SYPL1: variants seen among roughly 807,000 people sequenced by gnomAD.
SYPL1 encodes the protein synaptophysin like 1, also known as synaptophysin-like protein 1.
SYPL1 carries 6 observed loss-of-function variants against 23.7 expected under a neutral mutation model. The ratio of observed to expected loss-of-function variants is 0.25; its 90% CI spans 0.14 to 0.50. The LOEUF is 0.50. Among genes scored for constraint, SYPL1 ranks in the 20% least tolerant of loss-of-function variants. SYPL1 has a pLI of 0.98. For synonymous variants in SYPL1, 102 were observed against 104.5 expected (o/e 0.98, Z 0.15); for missense variants, 253 against 288.9 (o/e 0.88, Z 0.90).
Position 106,097,955 on chromosome 7 carries a change from G to A in SYPL1, c.195-58C>T. ...TCCCAACAGAGACAGAAACATTTAA[G>A]CAAAACAATGAGTGACACTTCAAAA... On this transcript the variant is annotated intron_variant, in intron 2 of 4. Coordinates refer to ENST00000455385, the MANE Select transcript of SYPL1 (RefSeq NM_182715.4). The surrounding 1 kb of genome is among the most constrained non-coding windows in gnomAD (Gnocchi z 4.6). The A allele has an allele frequency of 2.1e-6, 3 of 1,412,552 alleles. No individual in the cohort carries two copies. Among genetic ancestry groups the A allele is most frequent in the Non-Finnish European group, 2.9e-6 (3 of 1,023,780 alleles). 87.5% of individuals were successfully genotyped at this position (1,412,552 alleles called of 1,614,324 possible).
At chr7:106,103,098 T>G (rs1024852129) in intron 1 of SYPL1, among the ~76,000 whole-genome samples, 3 of 152,120 alleles carry the variant, frequency 2.0e-5, no homozygotes, top group African/African-American at 7.2e-5. Flanking sequence ...GAGAAACCCT[T>G]GCTCACACGT....
Position 106,109,228 on chromosome 7 carries a change from G to A in SYPL1, c.69+2912C>T, listed in dbSNP as rs1233782682. On this transcript the variant is annotated intron_variant, in intron 1 of 4. Transcript: ENST00000455385. This position sits in a 1 kb window ranked among gnomAD's most constrained non-coding sequence, Gnocchi z 4.3. The stretch of plus-strand genomic sequence containing the variant: ...GAGAATGCATTTAAGCAACTGAGTT[G>A]TAAGCTGAACTAGTGGCTTTTTTTT... Among the ~76,000 whole-genome samples, 1 of 152,196 alleles carries A rather than the reference G, an allele frequency of 6.6e-6. No individual in the cohort carries two copies. The highest frequency in any genetic ancestry group is 1.9e-4 in the East Asian group (1 of 5,198).
At chr7:106,099,621 T>G (rs1374893895) in intron 1 of SYPL1, among the ~76,000 whole-genome samples, 3 of 152,140 alleles carry the variant, frequency 2.0e-5, no homozygotes, top group African/African-American at 7.2e-5. Context: ...CTTGAACTCC[T>G]GAACTCAAGC....
At chr7:106,107,803 A>G (rs1225609449) in intron 1 of SYPL1, among the ~76,000 whole-genome samples, 4 of 152,190 alleles carry the variant, frequency 2.6e-5, no homozygotes, top group Non-Finnish European at 4.4e-5. Flanking sequence ...CTACTGAAAT[A>G]AACAGCTAGA....
chr7:106,092,726 TGAAA>T, intron 4 of SYPL1: 1 of 597,406 alleles, frequency 1.7e-6, no homozygotes, highest in Non-Finnish European at 3.0e-6. Flanking sequence ...TCTGACTAGA[TGAAA>T]GAAAGTCTCA....
In SYPL1 at chr7:106,090,622, T is replaced by TAAAC. The variant is rs1479007510; in HGVS notation, c.*1179_*1182dup. ...GCAACAGCAAGATGTGCTTCACATA[T>TAAAC]AAACAATCATGTTGTAAGAATAAGA... On this transcript the variant is annotated 3_prime_UTR_variant, in exon 5 of 5. Coordinates refer to ENST00000455385, the MANE Select transcript of SYPL1 (RefSeq NM_182715.4). The TAAAC allele has an allele frequency of 6.6e-6, 1 of 152,606 alleles. No homozygotes were observed. Among genetic ancestry groups the TAAAC allele is most frequent in the Non-Finnish European group, 1.5e-5 (1 of 68,008 alleles). 9.5% of individuals were successfully genotyped at this position (152,606 alleles called of 1,614,324 possible). A position where few individuals can be genotyped will look rare whatever the true frequency, so the allele number is the denominator to read the frequency against.
rs191752516 is a variant in SYPL1, at chr7:106,109,007, C to T, written c.69+3133G>A. On this transcript the variant is annotated intron_variant, in intron 1 of 4. Transcript: ENST00000455385. The surrounding 1 kb of genome is among the most constrained non-coding windows in gnomAD (Gnocchi z 4.3). ...AAGAATACCAAACTCTATTTCACTG[C>T]CACATACTTGCAGTTAAAAACAAAA... Among the ~76,000 whole-genome samples the T allele has an allele frequency of 2.6e-4, 40 of 152,298 alleles. No homozygotes were observed. The East Asian group carries it at 7.5e-3, about 29-fold the overall frequency.
chr7:106,111,147 G>A (rs1298510831), intron 1 of SYPL1, among the ~76,000 whole-genome samples: 1 of 152,168 alleles, frequency 6.6e-6, no homozygotes, highest in Non-Finnish European at 1.5e-5. Context: ...ATCACATTAG[G>A]TACCCATCAG....
intron 2 of SYPL1, 50 bp downstream of exon 2, chr7:106,099,108 A>C (rs778808357): frequency 6.4e-7 from 1 of 1,572,814 alleles, no homozygotes; most frequent in Admixed American, 2.0e-5. Flanking sequence ...TTAATGACTC[A>C]CTGTGAAAGT....
At chr7:106,099,506 C>T (rs1840203725) in intron 1 of SYPL1, among the ~76,000 whole-genome samples, 1 of 152,082 alleles carries the variant, frequency 6.6e-6, no homozygotes, top group South Asian at 2.1e-4. Context: ...ATCCTCCCAC[C>T]TCAGTCCCCC....
chr7:106,106,461 A>C (rs1004419390), intron 1 of SYPL1, among the ~76,000 whole-genome samples: 3 of 151,852 alleles, frequency 2.0e-5, no homozygotes, highest in African/African-American at 4.8e-5. Flanking sequence ...CTGAGGCAGG[A>C]GAATTGCTTG....
intron 1 of SYPL1, among the ~76,000 whole-genome samples, chr7:106,101,775 A>T (rs1234869010): frequency 3.4e-5 from 4 of 116,872 alleles, no homozygotes; most frequent in Non-Finnish European, 5.4e-5. Flanking sequence ...CCACGTTTAA[A>T]TTAAAAAAAA....
At chr7:106,110,108 T>C (rs896477229) in intron 1 of SYPL1, among the ~76,000 whole-genome samples, 18 of 152,168 alleles carry the variant, frequency 1.2e-4, no homozygotes, top group East Asian at 1.9e-4. Flanking sequence ...CCTGCACATA[T>C]GCATTTTCCT....
rs903564580 is a variant in SYPL1 at position 106,095,381 on chromosome 7, G to C, written c.403-2244C>G. On this transcript the variant is annotated intron_variant, in intron 3 of 4. Coordinates refer to ENST00000455385, the MANE Select transcript of SYPL1 (RefSeq NM_182715.4). This position sits in a 1 kb window ranked among gnomAD's most constrained non-coding sequence, Gnocchi z 4.3. ...TTTTTTTCCCCTGAGATGGAGTCTTGCTCTGTCACCTAGGCTGGAATACAG... is the reference window on the plus strand; with the variant it reads ...TTTTTTTCCCCTGAGATGGAGTCTTCCTCTGTCACCTAGGCTGGAATACAG... 1.3e-5 allele frequency among the ~76,000 whole-genome samples: 2 copies of C among 149,150 alleles called. No homozygotes were observed. Among genetic ancestry groups the C allele is most frequent in the Non-Finnish European group, 3.0e-5 (2 of 67,614 alleles).
rs1350906594 is a variant in SYPL1, at chr7:106,092,710, TATA to T, written c.591+236_591+238del. ...AAAAAAAGAAATTAATCTTCCCAGA[TATA>T]AATCTGACTAGATGAAAGAAAGTCT... On this transcript the variant is annotated intron_variant, in intron 4 of 4. Transcript: ENST00000455385. 7.1e-6 allele frequency: 4 copies of T among 561,032 alleles called. No individual in the cohort carries two copies. In the African/African-American group the frequency reaches 8.0e-5, roughly 11 times the overall value. 34.8% of individuals were successfully genotyped at this position (561,032 alleles called of 1,614,324 possible).
At chr7:106,099,736 T>C (rs900037026) in intron 1 of SYPL1, among the ~76,000 whole-genome samples, 2 of 152,156 alleles carry the variant, frequency 1.3e-5, no homozygotes, top group African/African-American at 2.4e-5. Flanking sequence ...CTCTGTTGTA[T>C]AGACTCAAGT....
At chr7:106,103,050 CATA>C (rs1840409630) in intron 1 of SYPL1, among the ~76,000 whole-genome samples, 1 of 152,012 alleles carries the variant, frequency 6.6e-6, no homozygotes, top group Admixed American at 6.5e-5. Context: ...TTATAATAAA[CATA>C]ATGTCACAAA....
upstream of SYPL1, chr7:106,112,390 G>C (rs1790217691): frequency 7.5e-7 from 1 of 1,337,138 alleles, no homozygotes; most frequent in African/African-American, 1.6e-5. Context: ...GCTGCTGGCT[G>C]AGACTCTGGG....
In SYPL1 at chr7:106,091,960, T is replaced by C. The variant is rs1470956548; in HGVS notation, c.592-21A>G. On this transcript the variant is annotated intron_variant, in intron 4 of 4. Transcript: ENST00000455385. The surrounding 1 kb of genome is among the most constrained non-coding windows in gnomAD (Gnocchi z 5.0). ...AATATCTATGAAAGAGAAAAAGAAA[T>C]ATGAAAATCAAATACCTACTTATAA... 3.2e-6 allele frequency: 5 copies of C among 1,584,272 alleles called. No individual in the cohort carries two copies. Among genetic ancestry groups the C allele is most frequent in the Middle Eastern group, 1.7e-4 (1 of 5,940 alleles).
Sources: gnomAD v4.1 joint callset for allele counts (sites outside exome capture counted in the v4.1 genomes callset) on GRCh38, gnomAD v4.1.1 for gene constraint, Gnocchi (gnomAD v3.1) non-coding constraint, MANE v1.5 for transcripts, NCBI Gene and HGNC (gene_info 2026-07-23, HGNC 2026-07-21) for gene names.